Variants in PLEKHG7 observed in about 807,000 individuals in gnomAD.
The protein encoded by PLEKHG7 is pleckstrin homology domain-containing family G member 7.
Under a neutral mutation model 85.2 loss-of-function variants are expected in PLEKHG7, and 77 were observed. The ratio of observed to expected loss-of-function variants is 0.90; its 90% CI spans 0.75 to 1.09. The LOEUF is 1.09. Ranked by LOEUF, PLEKHG7 falls within the 50% of genes least tolerant of loss-of-function variation. The pLI is 0.00. For missense variants in PLEKHG7, 777 were observed against 804.3 expected, an observed-to-expected ratio of 0.97 and a Z score of 0.41; for synonymous variants, 301 against 302.4, an observed-to-expected ratio of 1.00 and a Z score of 0.05.
At chr12:92,731,610 C>A (rs1265464509) in intron 4 of PLEKHG7, among the ~76,000 whole-genome samples, 1 of 152,222 alleles carries the variant, frequency 6.6e-6, no homozygotes, top group Non-Finnish European at 1.5e-5. Flanking sequence ...GAATCTCTTT[C>A]CTTCCTGGTC....
At chr12:92,713,243 AATTG>A (rs1472217506) in intron 3 of PLEKHG7, among the ~76,000 whole-genome samples, 1 of 152,196 alleles carries the variant, frequency 6.6e-6, no homozygotes, top group East Asian at 1.9e-4. Flanking sequence ...CAAGTCTGGA[AATTG>A]ATTGAGGGGC....
intron 13 of PLEKHG7, among the ~76,000 whole-genome samples, chr12:92,758,461 G>GT (rs1257375936): frequency 6.6e-6 from 1 of 152,228 alleles, no homozygotes; most frequent in East Asian, 1.9e-4. Context: ...TAGGGTTCAG[G>GT]TTTGGGCATA....
intron 3 of PLEKHG7, among the ~76,000 whole-genome samples, chr12:92,711,824 G>T (rs917750083): frequency 3.9e-5 from 6 of 152,182 alleles, no homozygotes; most frequent in Non-Finnish European, 7.3e-5. Flanking sequence ...TGGACCTGTT[G>T]CAGAGCCTTC....
At position 92,707,860 on chromosome 12, in the gene PLEKHG7, C is replaced by T. The variant is rs1338419465; in HGVS notation, c.530+188C>T. On this transcript the variant is annotated intron_variant, in intron 3 of 16. Coordinates refer to ENST00000344636, the MANE Select transcript of PLEKHG7 (RefSeq NM_001377329.1). ...CATTTCAAGAGTCTCCCTTTAAGAGCACAGCATTTGGGGGCAGGATACAAT... is the reference window on the plus strand; with the variant it reads ...CATTTCAAGAGTCTCCCTTTAAGAGTACAGCATTTGGGGGCAGGATACAAT... The T allele has an allele frequency of 6.4e-6, 6 of 934,952 alleles. No homozygotes were observed. In the East Asian group the frequency reaches 1.6e-4, roughly 25 times the overall value. 57.9% of individuals were successfully genotyped at this position (934,952 alleles called of 1,614,324 possible).
intron 13 of PLEKHG7, 129 bp from the exon 14 acceptor site, chr12:92,761,623 G>GAAGAAAGAAAGAAAGAAGA (rs1873005150): frequency 2.8e-6 from 2 of 710,340 alleles, no homozygotes; most frequent in African/African-American, 4.5e-5. Context: ...AAGAAAGAAA[G>GAAGAAAGAAAGAAAGAAGA]AAGAAAGAAA....
intron 13 of PLEKHG7, 100 bp from the exon 14 acceptor site, chr12:92,761,638 GAAAGAAAGAAAGAA>G: frequency 1.9e-6 from 1 of 519,452 alleles, no homozygotes; most frequent in South Asian, 4.1e-5. Context: ...AAGAAAGAAA[GAAAGAAAGAAAGAA>G]AGAAAGAAAG....
chr12:92,743,440 C>T (rs1872426571), intron 9 of PLEKHG7, among the ~76,000 whole-genome samples: 1 of 152,076 alleles, frequency 6.6e-6, no homozygotes, highest in Non-Finnish European at 1.5e-5. Flanking sequence ...ACATGTGAGC[C>T]ATCCAATGAG....
chr12:92,768,911 C>G, intron 15 of PLEKHG7, 72 bp from the exon 16 acceptor site: 1 of 1,091,360 alleles, frequency 9.2e-7, no homozygotes, highest in South Asian at 1.5e-5. Flanking sequence ...ACCCCAGATT[C>G]TTGTACTAAG....
In PLEKHG7 at chr12:92,736,509, G is replaced by A. The variant is rs545098011; in HGVS notation, c.727G>A (p.Asp243Asn). The change falls in exon 6 of 17, where the codon GAT becomes AAT. Residue 243 changes from aspartate to asparagine, a missense_variant. Around this residue, in one of 3 missense-constraint regions of PLEKHG7, gnomAD observed 520 missense variants for 544.0 expected, o/e 0.96. Coordinates refer to ENST00000344636, the MANE Select transcript of PLEKHG7 (RefSeq NM_001377329.1). Reference sequence around the variant, plus strand: ...CAAAGACAAACACAAGCACATATCTGATCTGGAAAACTGCCTGTCCTCTGT... The same window carrying A: ...CAAAGACAAACACAAGCACATATCTAATCTGGAAAACTGCCTGTCCTCTGT... ...VGKDKHKHIS[D>N]LENCLSSVKI... 5.2e-4 allele frequency: 637 copies of A among 1,231,922 alleles called. 2 individuals carry two copies. The highest frequency in any genetic ancestry group is 1.3e-3 in the Admixed American group (32 of 23,710). 76.3% of individuals were successfully genotyped at this position (1,231,922 alleles called of 1,614,324 possible). A position where few individuals can be genotyped will look rare whatever the true frequency, so the allele number is the denominator to read the frequency against.
chr12:92,716,497 G>A (rs1399593711), intron 3 of PLEKHG7, among the ~76,000 whole-genome samples: 1 of 152,084 alleles, frequency 6.6e-6, no homozygotes, highest in Non-Finnish European at 1.5e-5. Context: ...GTTTTTCTTT[G>A]TGAACTCGTT....
At chr12:92,709,079 G>A (rs909067566) in intron 3 of PLEKHG7, among the ~76,000 whole-genome samples, 3 of 152,196 alleles carry the variant, frequency 2.0e-5, no homozygotes, top group Non-Finnish European at 4.4e-5. Flanking sequence ...TACCCTAAGA[G>A]CAGTGTGAAA....
chr12:92,749,583 CT>C (rs1872628891), intron 10 of PLEKHG7: 1 of 152,176 alleles, frequency 6.6e-6, no homozygotes, highest in African/African-American at 2.4e-5. Flanking sequence ...AAACTGGGAA[CT>C]TCGTACCAAG....
chr12:92,708,723 T>A (rs1871309589), intron 3 of PLEKHG7, among the ~76,000 whole-genome samples: 1 of 152,164 alleles, frequency 6.6e-6, no homozygotes, highest in Admixed American at 6.5e-5. Context: ...AGGGAGAGGT[T>A]CAAGAGGACA....
chr12:92,709,620 C>T (rs190139748), intron 3 of PLEKHG7, among the ~76,000 whole-genome samples: 83 of 152,072 alleles, frequency 5.5e-4, no homozygotes, highest in African/African-American at 1.8e-3. Flanking sequence ...TAGATGGAGC[C>T]GGCAGACATA....
chr12:92,741,937 A>T (rs1565792505), intron 9 of PLEKHG7, among the ~76,000 whole-genome samples: 1 of 152,220 alleles, frequency 6.6e-6, no homozygotes, highest in Non-Finnish European at 1.5e-5. Context: ...TAACGAAAGT[A>T]CCAATTTCTC....
At chr12:92,739,120 G>A (rs1432053437) in intron 7 of PLEKHG7, among the ~76,000 whole-genome samples, 12 of 152,330 alleles carry the variant, frequency 7.9e-5, no homozygotes, top group African/African-American at 2.9e-4. Context: ...CACATCCTAT[G>A]GCTGGCTTCT....
intron 3 of PLEKHG7, among the ~76,000 whole-genome samples, chr12:92,725,731 A>T (rs1181946885): frequency 6.6e-6 from 1 of 152,230 alleles, no homozygotes; most frequent in East Asian, 1.9e-4. Flanking sequence ...CTAATTATAA[A>T]TTCCTAAACA....
chr12:92,738,054 T>C (rs1231691420), intron 7 of PLEKHG7, among the ~76,000 whole-genome samples: 3 of 152,160 alleles, frequency 2.0e-5, no homozygotes, highest in Non-Finnish European at 4.4e-5. Flanking sequence ...CTCTCGGAGC[T>C]CTTGCTCCCT....
intron 5 of PLEKHG7, among the ~76,000 whole-genome samples, chr12:92,734,407 G>A (rs186283159): frequency 1.8e-3 from 279 of 152,144 alleles, no homozygotes; most frequent in African/African-American, 6.6e-3. Flanking sequence ...CTGTTTGCAT[G>A]TATTCTTGTT....
Sources: allele counts gnomAD v4.1 joint callset (sites outside exome capture counted in the v4.1 genomes callset), GRCh38; gene constraint gnomAD v4.1.1; regional missense constraint gnomAD v4.1.1; transcripts MANE v1.5; gene names NCBI Gene and HGNC (gene_info 2026-07-23, HGNC 2026-07-21).